R3HCC1L: variants seen among roughly 807,000 people sequenced by gnomAD.
The protein encoded by R3HCC1L is R3H domain and coiled-coil containing 1 like.
R3HCC1L carries 51 observed loss-of-function variants against 59.9 expected under a neutral mutation model. The observed-to-expected ratio is 0.85, with a 90% CI of 0.68 to 1.07. The LOEUF (loss-of-function observed/expected upper bound fraction) is 1.07. R3HCC1L is among the 50% of genes least tolerant of loss of function. The pLI, the probability that R3HCC1L is intolerant of heterozygous loss-of-function variation, is 0.00. For missense variants in R3HCC1L, 965 were observed against 933.0 expected, an observed-to-expected ratio of 1.03 and a Z score of -0.45; for synonymous variants, 322 against 315.2, an observed-to-expected ratio of 1.02 and a Z score of -0.23.
rs1336052881 is a variant in R3HCC1L, at chr10:98,224,662, AT to A, written c.1786-6849del. 3.9e-5 allele frequency among the ~76,000 whole-genome samples: 6 copies of A among 152,244 alleles called. No homozygotes were observed. The East Asian group carries it at 1.2e-3, about 29-fold the overall frequency. On this transcript the variant is annotated intron_variant, in intron 5 of 9. Transcript: ENST00000298999. ...CAGACCACTATTTAAGATCCTAAAA[AT>A]ATTTGTGATTCATAACTCAAAATTG...
intron 4 of R3HCC1L, among the ~76,000 whole-genome samples, chr10:98,170,572 C>T (rs2134339743): frequency 6.6e-6 from 1 of 152,328 alleles, no homozygotes; most frequent in Middle Eastern, 3.4e-3. Context: ...GCAGTACTCC[C>T]ACCTCGGCTT....
intron 1 of R3HCC1L, among the ~76,000 whole-genome samples, chr10:98,135,797 C>T (rs192294223): frequency 3.3e-5 from 5 of 152,324 alleles, no homozygotes; most frequent in Admixed American, 3.3e-4. Context: ...CAGTATCACA[C>T]AGGTACAAGC....
intron 1 of R3HCC1L, among the ~76,000 whole-genome samples, chr10:98,152,319 G>A (rs1224950773): frequency 6.6e-6 from 1 of 151,988 alleles, no homozygotes; most frequent in African/African-American, 2.4e-5. Flanking sequence ...CCACCTCCCA[G>A]CCGCCTGCCT....
intron 5 of R3HCC1L, among the ~76,000 whole-genome samples, chr10:98,226,367 A>G (rs867969168): frequency 6.6e-6 from 1 of 152,248 alleles, no homozygotes; most frequent in Non-Finnish European, 1.5e-5. Context: ...AAGAGGTATA[A>G]AACTTATACT....
chr10:98,175,402 C>T (rs1158435172), intron 4 of R3HCC1L, among the ~76,000 whole-genome samples: 1 of 152,038 alleles, frequency 6.6e-6, no homozygotes, highest in African/African-American at 2.4e-5. Context: ...TGTGTAACTC[C>T]CACACAATTA....
At chr10:98,215,969 C>T (rs181724891) in intron 5 of R3HCC1L, among the ~76,000 whole-genome samples, 243 of 152,174 alleles carry the variant, frequency 1.6e-3, no homozygotes, top group Non-Finnish European at 2.4e-3. Context: ...TGGGAGAAGA[C>T]AGAACATGAG....
intron 5 of R3HCC1L, among the ~76,000 whole-genome samples, chr10:98,220,101 G>A (rs559263417): frequency 4.3e-4 from 65 of 152,106 alleles, no homozygotes; most frequent in African/African-American, 1.5e-3. Context: ...ATTTCAGAGG[G>A]TCTGTCTTTT....
At chr10:98,216,951 A>G (rs1292374409) in intron 5 of R3HCC1L, among the ~76,000 whole-genome samples, 2 of 152,164 alleles carry the variant, frequency 1.3e-5, no homozygotes, top group Non-Finnish European at 2.9e-5. Context: ...TATTCATTCT[A>G]TAAATATATA....
At chr10:98,215,202 A>T (rs1330510391) in intron 5 of R3HCC1L, among the ~76,000 whole-genome samples, 1 of 152,250 alleles carries the variant, frequency 6.6e-6, no homozygotes, top group Non-Finnish European at 1.5e-5. Flanking sequence ...AACAGTGTAC[A>T]GTCCTGTGGA....
chr10:98,203,353 A>G (rs1216606587), intron 4 of R3HCC1L, among the ~76,000 whole-genome samples: 3 of 152,218 alleles, frequency 2.0e-5, no homozygotes. Context: ...GGTAAACAGT[A>G]TAAGGGTACC....
At chr10:98,147,673 C>T (rs1280256311) in intron 1 of R3HCC1L, among the ~76,000 whole-genome samples, 1 of 152,040 alleles carries the variant, frequency 6.6e-6, no homozygotes, top group East Asian at 1.9e-4. Context: ...ACTCTTCTTT[C>T]CCCATTTTAT....
At chr10:98,215,246 GA>G (rs965376575) in intron 5 of R3HCC1L, among the ~76,000 whole-genome samples, 7 of 151,390 alleles carry the variant, frequency 4.6e-5, no homozygotes, top group Non-Finnish European at 7.4e-5. Flanking sequence ...GGAATGACTA[GA>G]AAAAAAAGAG....
At position 98,201,876 on chromosome 10, in the gene R3HCC1L, A is replaced by G. The variant is rs532048166; in HGVS notation, c.-14-6225A>G. On this transcript the variant is annotated intron_variant, in intron 4 of 9. Transcript: ENST00000298999. ...CTTTATTGACCAATGACTATGAAAG[A>G]TGAGATTTTTTTTTTTTTTTTTTTT... Among the ~76,000 whole-genome samples, 50 of 129,236 alleles carry G rather than the reference A, an allele frequency of 3.9e-4. 1 individual carries two copies. In the East Asian group the frequency reaches 0.012, roughly 30 times the overall value. The allele number at this position is 129,236 out of a possible 152,430, so 84.8% of individuals were successfully genotyped here.
intron 2 of R3HCC1L, among the ~76,000 whole-genome samples, chr10:98,160,440 A>T (rs966759028): frequency 6.6e-6 from 1 of 152,356 alleles, no homozygotes; most frequent in African/African-American, 2.4e-5. Flanking sequence ...TAGATAAAAT[A>T]TATTAATAAA....
intron 2 of R3HCC1L, among the ~76,000 whole-genome samples, chr10:98,160,273 A>G (rs1266163620): frequency 1.3e-5 from 2 of 152,238 alleles, no homozygotes; most frequent in African/African-American, 4.8e-5. Context: ...TGTGCTGTGT[A>G]ATAATAGGGT....
At chr10:98,173,723 T>A (rs968093776) in intron 4 of R3HCC1L, among the ~76,000 whole-genome samples, 4 of 152,068 alleles carry the variant, frequency 2.6e-5, no homozygotes, top group Non-Finnish European at 5.9e-5. Flanking sequence ...TTTTTCCCCC[T>A]AACCACAGGT....
At position 98,189,174 on chromosome 10, in the gene R3HCC1L, T is replaced by C. The variant is rs570438722; in HGVS notation, c.-14-18927T>C. 3.9e-5 allele frequency among the ~76,000 whole-genome samples: 6 copies of C among 152,224 alleles called. No individual in the cohort carries two copies. In the East Asian group the frequency reaches 1.2e-3, roughly 29 times the overall value. On this transcript the variant is annotated intron_variant, in intron 4 of 9. Coordinates refer to ENST00000298999, the MANE Select transcript of R3HCC1L (RefSeq NM_001351015.2). ...GCATTGCCCTTTAGGTTGAGAGAAA[T>C]AGAAATGCCTAGAGTAGCAATAAGT...
chr10:98,230,578 C>G (rs538012961), intron 5 of R3HCC1L, among the ~76,000 whole-genome samples: 1 of 152,156 alleles, frequency 6.6e-6, no homozygotes, highest in African/African-American at 2.4e-5. Flanking sequence ...CTGTCTCCTT[C>G]AGTTCTGCTC....
chr10:98,146,473 C>T (rs1343320553), intron 1 of R3HCC1L, among the ~76,000 whole-genome samples: 1 of 152,122 alleles, frequency 6.6e-6, no homozygotes, highest in Non-Finnish European at 1.5e-5. Flanking sequence ...CCCATCCCCA[C>T]CCCTTCTTGG....
Sources: allele counts gnomAD v4.1 joint callset (sites outside exome capture counted in the v4.1 genomes callset), GRCh38; gene constraint gnomAD v4.1.1; transcripts MANE v1.5; gene names NCBI Gene and HGNC (gene_info 2026-07-23, HGNC 2026-07-21).